The following ADGRL2 variants were observed in gnomAD, a reference collection of about 807,000 sequenced individuals.
ADGRL2 encodes the protein adhesion G protein-coupled receptor L2, also known as calcium-independent alpha-latrotoxin receptor 2.
Under a neutral mutation model 157.4 loss-of-function variants are expected in ADGRL2, and 44 were observed. The observed-to-expected ratio is 0.28, with a 90% CI of 0.22 to 0.36. The LOEUF is 0.36. ADGRL2 is among the 10% of genes least tolerant of loss of function. The pLI, the probability that ADGRL2 is intolerant of heterozygous loss-of-function variation, is 1.00. For synonymous variants in ADGRL2, 585 were observed against 624.7 expected, an observed-to-expected ratio of 0.94 and a Z score of 0.95; for missense variants, 1,510 against 1,768.9, an observed-to-expected ratio of 0.85 and a Z score of 2.63.
chr1:81,379,568 G>GT (rs1403154516), intron 1 of ADGRL2, among the ~76,000 whole-genome samples: 14 of 152,122 alleles, frequency 9.2e-5, no homozygotes, highest in Non-Finnish European at 1.3e-4. Context: ...AAGGGAGATG[G>GT]TTTTCCCCTG....
chr1:81,986,211 G>T (rs1231284675), intron 21 of ADGRL2, among the ~76,000 whole-genome samples: 1 of 151,944 alleles, frequency 6.6e-6, no homozygotes, highest in Non-Finnish European at 1.5e-5. Context: ...TGTTGCTTTG[G>T]TATTTTACTT....
chr1:81,546,273 G>A (rs1467823582), intron 2 of ADGRL2, among the ~76,000 whole-genome samples: 4 of 152,226 alleles, frequency 2.6e-5, no homozygotes, highest in South Asian at 2.1e-4. Flanking sequence ...TGGGTTACAC[G>A]TGAACTTGGC....
At position 81,993,058 on chromosome 1, in the gene ADGRL2, CATATATATATATATATATATAT is replaced by C. The variant is rs201201668; in HGVS notation, c.*1922_*1943del. On this transcript the variant is annotated 3_prime_UTR_variant, in exon 24 of 24. Transcript: ENST00000686636. ...AAATTAAGTGCATATATATAATATACATATATATATATATATATATATATATATATTTTTTTTTTTTTTTTTT... is the reference window on the plus strand; with the variant it reads ...AAATTAAGTGCATATATATAATATACATATATATTTTTTTTTTTTTTTTTT... 2.4e-5 allele frequency among the ~76,000 whole-genome samples: 1 copy of C among 40,848 alleles called. No homozygotes were observed. Among genetic ancestry groups the C allele is most frequent in the Non-Finnish European group, 3.8e-5 (1 of 25,976 alleles). The allele number at this position is 40,848 out of a possible 152,430, so 26.8% of individuals were successfully genotyped here. A position where few individuals can be genotyped will look rare whatever the true frequency, so the allele number is the denominator to read the frequency against.
chr1:81,811,995 T>A (rs1251739318), intron 1 of ADGRL2, among the ~76,000 whole-genome samples: 1 of 151,680 alleles, frequency 6.6e-6, no homozygotes, highest in African/African-American at 2.4e-5. Flanking sequence ...AGTTTGTGTA[T>A]CCTGTCTGCT....
chr1:81,560,417 T>C (rs1418113552), intron 2 of ADGRL2, among the ~76,000 whole-genome samples: 3 of 152,218 alleles, frequency 2.0e-5, no homozygotes, highest in Non-Finnish European at 1.5e-5. Flanking sequence ...AATGAGTTAA[T>C]ATACATCGAA....
In ADGRL2 at chr1:81,634,649, G is replaced by A. The variant is rs2093888; in HGVS notation, c.-143+53669G>A. ...TCCTGGGTTCCAGTCCCAGCCTCCC[G>A]AGTAGCTGGGATTATAGGCACACGC... On this transcript the variant is annotated intron_variant, in intron 3 of 24. Transcript: ENST00000370721. Among the ~76,000 whole-genome samples the A allele has an allele frequency of 3.1e-4, 47 of 151,602 alleles. No homozygotes were observed. In the East Asian group the frequency reaches 7.4e-3, roughly 24 times the overall value.
intron 1 of ADGRL2, among the ~76,000 whole-genome samples, chr1:81,441,352 A>T (rs1351015166): frequency 1.3e-5 from 2 of 152,048 alleles, no homozygotes; most frequent in Admixed American, 6.6e-5. Context: ...CCTAAATTGG[A>T]TTTCTGGTTA....
intron 2 of ADGRL2, among the ~76,000 whole-genome samples, chr1:81,771,773 G>C (rs1322208920): frequency 6.6e-6 from 1 of 151,894 alleles, no homozygotes; most frequent in African/African-American, 2.4e-5. Context: ...TACGCCCACA[G>C]TTAGAAATCA....
At chr1:81,387,777 A>G (rs1381390999) in intron 1 of ADGRL2, among the ~76,000 whole-genome samples, 1 of 152,058 alleles carries the variant, frequency 6.6e-6, no homozygotes, top group Non-Finnish European at 1.5e-5. Flanking sequence ...TCTGGAGTTT[A>G]TGGATTACTT....
At chr1:81,376,173 T>A (rs1193825482) in intron 1 of ADGRL2, among the ~76,000 whole-genome samples, 3 of 152,210 alleles carry the variant, frequency 2.0e-5, no homozygotes, top group Non-Finnish European at 4.4e-5. Context: ...AAATCTTATT[T>A]GTTCAATTCA....
At chr1:81,942,312 A>G (rs1648334077) in intron 5 of ADGRL2, among the ~76,000 whole-genome samples, 2 of 151,752 alleles carry the variant, frequency 1.3e-5, no homozygotes, top group South Asian at 2.1e-4. Flanking sequence ...ACACCCTTGG[A>G]TATTTTCTTA....
intron 2 of ADGRL2, among the ~76,000 whole-genome samples, chr1:81,858,475 A>T (rs1322687946): frequency 2.6e-5 from 4 of 152,188 alleles, no homozygotes; most frequent in Admixed American, 2.0e-4. Flanking sequence ...CCGTTCCTGT[A>T]AAATTCCTCT....
intron 2 of ADGRL2, among the ~76,000 whole-genome samples, chr1:81,875,741 G>A (rs563452932): frequency 6.6e-6 from 1 of 152,226 alleles, no homozygotes; most frequent in African/African-American, 2.4e-5. Context: ...AGGGGGCTTA[G>A]GGTTTATGTG....
intron 3 of ADGRL2, among the ~76,000 whole-genome samples, chr1:81,682,857 C>T (rs1011252606): frequency 2.6e-5 from 4 of 152,144 alleles, no homozygotes; most frequent in Admixed American, 6.5e-5. Flanking sequence ...TTGGGCCGGG[C>T]GCAGTGGCTC....
intron 3 of ADGRL2, among the ~76,000 whole-genome samples, chr1:81,668,818 C>T (rs528443722): frequency 1.3e-5 from 2 of 152,176 alleles, no homozygotes; most frequent in South Asian, 2.1e-4. Context: ...GATCTGCCCA[C>T]CTCGGCCTCC....
chr1:81,912,301 G>A (rs1236914912), intron 3 of ADGRL2, among the ~76,000 whole-genome samples: 1 of 151,936 alleles, frequency 6.6e-6, no homozygotes, highest in East Asian at 1.9e-4. Context: ...CGAACTCTTG[G>A]CCTCAAGTGA....
chr1:81,905,209 T>C (rs1401861307), intron 2 of ADGRL2, among the ~76,000 whole-genome samples: 3 of 151,868 alleles, frequency 2.0e-5, no homozygotes, highest in Non-Finnish European at 4.4e-5. Flanking sequence ...ATGATTCTCC[T>C]GCCCCAGCCT....
intron 1 of ADGRL2, among the ~76,000 whole-genome samples, chr1:81,319,840 C>T (rs981880975): frequency 2.0e-5 from 3 of 152,282 alleles, no homozygotes; most frequent in African/African-American, 7.2e-5. Context: ...ATGTTGGTGG[C>T]TGCTGACTTA....
intron 1 of ADGRL2, among the ~76,000 whole-genome samples, chr1:81,744,632 C>T (rs2085183276): frequency 2.6e-5 from 4 of 152,098 alleles, no homozygotes; most frequent in African/African-American, 9.7e-5. Context: ...GTTCTCTACT[C>T]CAGGGCTGAA....
Sources: gnomAD v4.1 joint callset for allele counts (sites outside exome capture counted in the v4.1 genomes callset) on GRCh38, gnomAD v4.1.1 for gene constraint, MANE v1.5 for transcripts, NCBI Gene and HGNC (gene_info 2026-07-23, HGNC 2026-07-21) for gene names.